Variants in SORCS3 observed in about 807,000 individuals in gnomAD.
The protein encoded by SORCS3 is sortilin related VPS10 domain containing receptor 3, also known as VPS10 domain-containing receptor SorCS3.
Under a neutral mutation model 146.3 loss-of-function variants are expected in SORCS3, and 57 were observed. That is an observed-to-expected ratio of 0.39 (90% confidence interval 0.31 to 0.49). SORCS3 has a LOEUF of 0.49. Ranked by LOEUF, SORCS3 falls within the 20% of genes least tolerant of loss-of-function variation. The pLI is 0.92. For missense variants in SORCS3, 1,341 were observed against 1,575.5 expected, an observed-to-expected ratio of 0.85 and a Z score of 2.52; for synonymous variants, 653 against 618.5, an observed-to-expected ratio of 1.06 and a Z score of -0.83.
intron 4 of SORCS3, among the ~76,000 whole-genome samples, chr10:104,995,984 T>C (rs2055024689): frequency 6.6e-6 from 1 of 152,210 alleles, no homozygotes; most frequent in South Asian, 2.1e-4. Flanking sequence ...GATACCAAAT[T>C]ATTCTAACAC....
At chr10:104,994,916 A>C (rs571636708) in intron 4 of SORCS3, among the ~76,000 whole-genome samples, 14 of 152,332 alleles carry the variant, frequency 9.2e-5, no homozygotes, top group African/African-American at 3.4e-4. Flanking sequence ...AAGTGTGTTT[A>C]TGAACATTTC....
intron 1 of SORCS3, among the ~76,000 whole-genome samples, chr10:104,802,613 G>A (rs183491326): frequency 1.3e-5 from 2 of 152,316 alleles, no homozygotes; most frequent in East Asian, 3.9e-4. Flanking sequence ...CCACTGTGTG[G>A]TTCAAGAGTC....
intron 3 of SORCS3, among the ~76,000 whole-genome samples, chr10:104,954,088 T>C (rs778218842): frequency 6.6e-6 from 1 of 152,190 alleles, no homozygotes; most frequent in Non-Finnish European, 1.5e-5. Flanking sequence ...GATATGTATA[T>C]ATATATTTGA....
chr10:105,172,407 C>T (rs2056367639), intron 13 of SORCS3, among the ~76,000 whole-genome samples: 1 of 152,118 alleles, frequency 6.6e-6, no homozygotes, highest in Non-Finnish European at 1.5e-5. Flanking sequence ...AAATATTTGA[C>T]TGTTCTCTTT....
In SORCS3 at chr10:104,845,040, A is replaced by G. The variant is rs147747851; in HGVS notation, c.695+2181A>G. 3.7e-3 allele frequency among the ~76,000 whole-genome samples: 564 copies of G among 152,180 alleles called. 1 individual carries two copies. Among genetic ancestry groups the G allele is most frequent in the South Asian group, 0.011 (54 of 4,794 alleles). On this transcript the variant is annotated intron_variant, in intron 2 of 26. Transcript: ENST00000369701. ...GCCTCATTTTACTTGCTATTCCTCC[A>G]ACGTACCAACCACACTTTTCCTGAG...
At chr10:104,910,054 G>A (rs2018951113) in intron 2 of SORCS3, among the ~76,000 whole-genome samples, 1 of 152,140 alleles carries the variant, frequency 6.6e-6, no homozygotes, top group Admixed American at 6.5e-5. Flanking sequence ...AGAACTCAGT[G>A]AACAGTTTCA....
At chr10:105,143,078 C>T (rs1246064124) in intron 8 of SORCS3, among the ~76,000 whole-genome samples, 1 of 152,090 alleles carries the variant, frequency 6.6e-6, no homozygotes, top group African/African-American at 2.4e-5. Flanking sequence ...TATTCTTTGC[C>T]TGTACATCCA....
intron 14 of SORCS3, among the ~76,000 whole-genome samples, chr10:105,183,149 A>G (rs1163034513): frequency 6.6e-6 from 1 of 152,206 alleles, no homozygotes; most frequent in Non-Finnish European, 1.5e-5. Flanking sequence ...ATGGAGTGGT[A>G]GGAATGTGCC....
intron 3 of SORCS3, among the ~76,000 whole-genome samples, chr10:104,930,739 A>G (rs945288729): frequency 3.3e-5 from 5 of 152,194 alleles, no homozygotes; most frequent in African/African-American, 1.2e-4. Flanking sequence ...CACTTGGCCA[A>G]GAAGCTACTT....
At position 104,983,232 on chromosome 10, in the gene SORCS3, C is replaced by T. The variant is rs372881416; in HGVS notation, c.954+5739C>T. Among the ~76,000 whole-genome samples the T allele has an allele frequency of 1.1e-4, 17 of 152,160 alleles. No individual in the cohort carries two copies. In the East Asian group the frequency reaches 2.1e-3, roughly 19 times the overall value. On this transcript the variant is annotated intron_variant, in intron 4 of 26. Transcript: ENST00000369701. The stretch of plus-strand genomic sequence containing the variant: ...GTCAGGCTGGTCTCAAGCTCTTGAC[C>T]TCAGGTGATCTGCCCTCCTCGGCCT...
At chr10:104,859,916 A>T (rs2018380834) in intron 2 of SORCS3, among the ~76,000 whole-genome samples, 1 of 97,682 alleles carries the variant, frequency 1.0e-5, no homozygotes, top group Non-Finnish European at 2.4e-5. Context: ...AAGTCAGGAA[A>T]CAACAGGTGC....
At chr10:104,909,616 G>A (rs1836040968) in intron 2 of SORCS3, among the ~76,000 whole-genome samples, 1 of 151,412 alleles carries the variant, frequency 6.6e-6, no homozygotes, top group South Asian at 2.1e-4. Flanking sequence ...AGAAGGTGCT[G>A]ACTGGATAAG....
In SORCS3 at chr10:105,147,618, A is replaced by G; in HGVS notation, c.1304A>G (p.Asp435Gly). ...TACAAGCCTTCCATCTTCTTTCAGG[A>G]CATGCACATCATCAGTACAGACGAG... ...IKLPKYSLPK[D>G]MHIISTDENQ... Residue 435 changes from aspartate (D) to glycine (G), a missense_variant and splice_region_variant, in exon 9 of 27, where the codon GAC becomes GGC. Transcript: ENST00000369701. 2 of 1,606,978 alleles carry G rather than the reference A, an allele frequency of 1.2e-6. No homozygotes were observed. Among genetic ancestry groups the G allele is most frequent in the Non-Finnish European group, 1.7e-6 (2 of 1,175,948 alleles).
chr10:105,147,537 G>T, intron 8 of SORCS3, 80 bp from the exon 9 acceptor site: 2 of 1,269,348 alleles, frequency 1.6e-6, no homozygotes, highest in South Asian at 1.5e-5. Context: ...AATTTCATAA[G>T]TCATAGTAAT....
At chr10:105,097,329 G>A (rs149466054) in intron 6 of SORCS3, among the ~76,000 whole-genome samples, 134 of 152,332 alleles carry the variant, frequency 8.8e-4, no homozygotes, top group Non-Finnish European at 1.5e-3. Flanking sequence ...ACAACTGTGC[G>A]AATAATCCTA....
In SORCS3 at chr10:105,245,733, A is replaced by G. The variant is rs2056861872; in HGVS notation, c.2992+68A>G. The stretch of plus-strand genomic sequence containing the variant: ...TTAATCTCCTGTGTCCACTCTCCCT[A>G]CAATCATTGAGTGTGGTGGAAATTC... On this transcript the variant is annotated intron_variant, in intron 21 of 26. Transcript: ENST00000369701. The G allele has an allele frequency of 1.3e-5, 20 of 1,542,272 alleles. No homozygotes were observed. In the East Asian group the frequency reaches 3.3e-4, roughly 25 times the overall value.
At chr10:104,798,264 C>A (rs139993701) in intron 1 of SORCS3, among the ~76,000 whole-genome samples, 1 of 152,228 alleles carries the variant, frequency 6.6e-6, no homozygotes, top group East Asian at 1.9e-4. Flanking sequence ...TGGCTTGTTA[C>A]CAATGAGCCT....
chr10:105,249,493 T>C (rs1183616442), intron 22 of SORCS3, among the ~76,000 whole-genome samples: 2 of 152,030 alleles, frequency 1.3e-5, no homozygotes, highest in East Asian at 1.9e-4. Flanking sequence ...GAAGAATAAA[T>C]AGAAGAGAAT....
chr10:104,828,090 C>T (rs1018769660), intron 1 of SORCS3, among the ~76,000 whole-genome samples: 6 of 152,118 alleles, frequency 3.9e-5, no homozygotes, highest in Non-Finnish European at 8.8e-5. Context: ...TTTCTTTTCA[C>T]GTGTATGTTC....
Sources: gnomAD v4.1 joint callset for allele counts (sites outside exome capture counted in the v4.1 genomes callset) on GRCh38, gnomAD v4.1.1 for gene constraint, MANE v1.5 for transcripts, NCBI Gene and HGNC (gene_info 2026-07-23, HGNC 2026-07-21) for gene names.